Variants in NECTIN3 observed in about 807,000 individuals in gnomAD.
The protein encoded by NECTIN3 is nectin cell adhesion molecule 3, also known as nectin-3.
Under a neutral mutation model 49.4 loss-of-function variants are expected in NECTIN3, and 8 were observed. The ratio of observed to expected loss-of-function variants is 0.16; its 90% CI spans 0.10 to 0.29. The LOEUF (loss-of-function observed/expected upper bound fraction) is 0.29, where lower values mean the gene tolerates loss of function less well. Among genes scored for constraint, NECTIN3 ranks in the 10% least tolerant of loss-of-function variants. The pLI is 1.00. For synonymous variants in NECTIN3, 277 were observed against 241.1 expected, an observed-to-expected ratio of 1.15 and a Z score of -1.38; for missense variants, 581 against 654.6, an observed-to-expected ratio of 0.89 and a Z score of 1.23.
chr3:111,160,729 T>C (rs1448096995), intron 7 of NECTIN3, among the ~76,000 whole-genome samples: 1 of 152,180 alleles, frequency 6.6e-6, no homozygotes, highest in Non-Finnish European at 1.5e-5. Context: ...GTTTAGGGGC[T>C]GGGCGCAGTG....
chr3:111,169,386 T>TC (rs1553730148), intron 7 of NECTIN3, among the ~76,000 whole-genome samples: 1 of 150,850 alleles, frequency 6.6e-6, no homozygotes, highest in Admixed American at 6.6e-5. Context: ...TTTTTTTTTT[T>TC]TTTTTTTTTT....
At chr3:111,182,062 T>C (rs1362071102) in intron 7 of NECTIN3, among the ~76,000 whole-genome samples, 1 of 152,104 alleles carries the variant, frequency 6.6e-6, no homozygotes, top group Non-Finnish European at 1.5e-5. Context: ...CATTATTCAG[T>C]TAAATATTTT....
intron 2 of NECTIN3, among the ~76,000 whole-genome samples, chr3:111,117,164 A>G (rs144772284): frequency 0.01 from 1,569 of 152,238 alleles, 15 homozygotes; most frequent in Non-Finnish European, 0.013. Flanking sequence ...AATTCCAAAA[A>G]CAATAAGCTA....
intron 7 of NECTIN3, among the ~76,000 whole-genome samples, chr3:111,173,560 GTCAGCCCCTGTAA>G (rs2035471974): frequency 6.6e-6 from 1 of 152,156 alleles, no homozygotes. Flanking sequence ...TCTCCCTGTA[GTCAGCCCCTGTAA>G]TACATTCCTT....
intron 1 of NECTIN3, among the ~76,000 whole-genome samples, chr3:111,103,784 G>T (rs2033038068): frequency 6.6e-6 from 1 of 152,086 alleles, no homozygotes; most frequent in South Asian, 2.1e-4. Context: ...GGCTGTGGGT[G>T]TTTTGTTTTG....
intron 5 of NECTIN3, among the ~76,000 whole-genome samples, chr3:111,130,736 A>G (rs1184291086): frequency 6.6e-6 from 1 of 152,058 alleles, no homozygotes; most frequent in Non-Finnish European, 1.5e-5. Flanking sequence ...TAGGATTGCA[A>G]TATTCAACCT....
At chr3:111,104,313 C>CTTTTT (rs935543116) in intron 1 of NECTIN3, among the ~76,000 whole-genome samples, 15 of 89,286 alleles carry the variant, frequency 1.7e-4, no homozygotes, top group East Asian at 8.9e-4. Context: ...CTGTTCAGAT[C>CTTTTT]TTTTTTTTTT....
chr3:111,124,185 T>C lies in NECTIN3; in HGVS notation c.917+1947T>C, dbSNP rs549162423. 3.3e-5 allele frequency among the ~76,000 whole-genome samples: 5 copies of C among 152,190 alleles called. No homozygotes were observed. In the East Asian group the frequency reaches 7.7e-4, roughly 24 times the overall value. On this transcript the variant is annotated intron_variant, in intron 4 of 5. Coordinates refer to ENST00000485303, the MANE Select transcript of NECTIN3 (RefSeq NM_015480.3). ...TAGTTAAGATTTTTATTTGATAGAG[T>C]GTTTCTAAAAGCCATACAACTCTGG... is the stretch of plus-strand genomic sequence containing the variant.
Position 111,135,892 on chromosome 3 carries a change from A to T in NECTIN3, c.*1677A>T, listed in dbSNP as rs1052305335. ...TCTCTTCCCAAAAGTAATACTTATT[A>T]TAAGGCTGTAGTATCAGGTTAAGGA... is the stretch of plus-strand genomic sequence containing the variant. On this transcript the variant is annotated 3_prime_UTR_variant, in exon 6 of 6. Coordinates refer to ENST00000485303, the MANE Select transcript of NECTIN3 (RefSeq NM_015480.3). The T allele has an allele frequency of 1.2e-5, 10 of 822,340 alleles. No individual in the cohort carries two copies. The highest frequency in any genetic ancestry group is 2.8e-4 in the East Asian group (2 of 7,270). 50.9% of individuals were successfully genotyped at this position (822,340 alleles called of 1,614,324 possible). A position where few individuals can be genotyped will look rare whatever the true frequency, so the allele number is the denominator to read the frequency against.
intron 1 of NECTIN3, among the ~76,000 whole-genome samples, chr3:111,099,261 C>T (rs1334031565): frequency 6.6e-6 from 1 of 152,098 alleles, no homozygotes; most frequent in Non-Finnish European, 1.5e-5. Flanking sequence ...CATTGGTTTT[C>T]CTAAGTATCT....
chr3:111,086,695 T>G (rs962631459), intron 1 of NECTIN3, among the ~76,000 whole-genome samples: 1 of 152,210 alleles, frequency 6.6e-6, no homozygotes, highest in African/African-American at 2.4e-5. Context: ...AGGTTTATTG[T>G]ACTTAGTCTT....
At chr3:111,102,924 T>C (rs2032987309) in intron 1 of NECTIN3, among the ~76,000 whole-genome samples, 1 of 152,238 alleles carries the variant, frequency 6.6e-6, no homozygotes, top group African/African-American at 2.4e-5. Flanking sequence ...TTACATTGCC[T>C]TTGCTCTTTT....
At position 111,134,278 on chromosome 3, in the gene NECTIN3, T is replaced by A; in HGVS notation, c.*63T>A. 1 of 1,493,776 alleles carries A rather than the reference T, an allele frequency of 6.7e-7. No individual in the cohort carries two copies. The highest frequency in any genetic ancestry group is 8.9e-7 in the Non-Finnish European group (1 of 1,125,156). 92.5% of individuals were successfully genotyped at this position (1,493,776 alleles called of 1,614,324 possible). ...TTCACACTAGTTGATCATTTTCAGA[T>A]TGTTCATACTTTTTCTTGAGGAAGA... On this transcript the variant is annotated 3_prime_UTR_variant, in exon 6 of 6. Transcript: ENST00000485303.
chr3:111,129,520 AATC>A (rs1451225522), intron 5 of NECTIN3, among the ~76,000 whole-genome samples: 1 of 152,228 alleles, frequency 6.6e-6, no homozygotes, highest in Non-Finnish European at 1.5e-5. Flanking sequence ...AGAATAAAAC[AATC>A]AGGAATCAAT....
At chr3:111,191,617 G>A (rs1447747310), upstream of NECTIN3, among the ~76,000 whole-genome samples, 1 of 151,956 alleles carries the variant, frequency 6.6e-6, no homozygotes, top group African/African-American at 2.4e-5. Context: ...GGATAAGGAT[G>A]GAAGATTAGC....
chr3:111,118,575 A>G, intron 2 of NECTIN3, 81 bp from the exon 3 acceptor site: 1 of 1,273,824 alleles, frequency 7.9e-7, no homozygotes, highest in African/African-American at 1.5e-5. Context: ...AAGCTTGTGA[A>G]ATATGTTTAG....
At chr3:111,142,769 A>T (rs912981157) in intron 5 of NECTIN3, among the ~76,000 whole-genome samples, 1 of 151,788 alleles carries the variant, frequency 6.6e-6, no homozygotes, top group Non-Finnish European at 1.5e-5. Flanking sequence ...CCACTCAAAG[A>T]GTAACATGAA....
At chr3:111,170,823 A>G (rs1011927609) in intron 7 of NECTIN3, among the ~76,000 whole-genome samples, 13 of 152,192 alleles carry the variant, frequency 8.5e-5, no homozygotes, top group African/African-American at 2.9e-4. Context: ...GGGATTGCTA[A>G]AACACAGATT....
At chr3:111,100,279 TCC>T (rs1056840681) in intron 1 of NECTIN3, among the ~76,000 whole-genome samples, 2 of 152,112 alleles carry the variant, frequency 1.3e-5, no homozygotes, top group Non-Finnish European at 2.9e-5. Flanking sequence ...AAGCGCCAGT[TCC>T]TTACATTGTC....
Sources: allele counts gnomAD v4.1 joint callset (sites outside exome capture counted in the v4.1 genomes callset), GRCh38; gene constraint gnomAD v4.1.1; transcripts MANE v1.5; gene names NCBI Gene and HGNC (gene_info 2026-07-23, HGNC 2026-07-21).